The following DIAPH3 variants were observed in gnomAD, a reference collection of about 807,000 sequenced individuals.
The protein encoded by DIAPH3 is diaphanous related formin 3.
Under a neutral mutation model 144.3 loss-of-function variants are expected in DIAPH3, and 117 were observed. The observed-to-expected ratio is 0.81, with a 90% CI of 0.70 to 0.95. The LOEUF (loss-of-function observed/expected upper bound fraction) is 0.95. Among genes scored for constraint, DIAPH3 ranks in the 40% least tolerant of loss-of-function variants. DIAPH3 has a pLI of 0.00. For synonymous variants in DIAPH3, 519 were observed against 488.9 expected (o/e 1.06, Z -0.81); for missense variants, 1,421 against 1,412.7 (o/e 1.01, Z -0.09).
chr13:59,952,093 T>C (rs867081685), intron 17 of DIAPH3, among the ~76,000 whole-genome samples: 3 of 152,130 alleles, frequency 2.0e-5, no homozygotes, highest in African/African-American at 4.8e-5. Flanking sequence ...AACATAGCAC[T>C]GACACATGCT....
chr13:59,896,214 A>T (rs1204210131), intron 20 of DIAPH3, among the ~76,000 whole-genome samples: 1 of 152,218 alleles, frequency 6.6e-6, no homozygotes, highest in East Asian at 1.9e-4. Context: ...CTGAGGAGCT[A>T]TTATAAACAA....
At chr13:60,158,932 A>AAAAAC (rs1952159276) in intron 1 of DIAPH3, among the ~76,000 whole-genome samples, 3 of 147,880 alleles carry the variant, frequency 2.0e-5, no homozygotes, top group African/African-American at 7.5e-5. Context: ...AAAAAAAAAA[A>AAAAAC]CCAAATAACC....
intron 5 of DIAPH3, among the ~76,000 whole-genome samples, chr13:60,024,382 A>T (rs1207054579): frequency 1.3e-5 from 2 of 152,200 alleles, no homozygotes; most frequent in Middle Eastern, 3.4e-3. Flanking sequence ...TTCGCTTTTG[A>T]GGCCCTCCAG....
intron 27 of DIAPH3, among the ~76,000 whole-genome samples, chr13:59,714,131 C>A (rs934396889): frequency 1.3e-5 from 2 of 151,924 alleles, no homozygotes; most frequent in Non-Finnish European, 2.9e-5. Flanking sequence ...GAGGCCGAGG[C>A]GGGCGGATCA....
At chr13:59,946,884 G>A (rs2048828089) in intron 17 of DIAPH3, among the ~76,000 whole-genome samples, 1 of 152,256 alleles carries the variant, frequency 6.6e-6, no homozygotes, top group East Asian at 1.9e-4. Context: ...TAAAATGGAT[G>A]CTGAAGTGTT....
At chr13:60,031,970 T>G (rs1330858541) in intron 5 of DIAPH3, among the ~76,000 whole-genome samples, 1 of 152,048 alleles carries the variant, frequency 6.6e-6, no homozygotes, top group East Asian at 1.9e-4. Flanking sequence ...TCTCAATCTC[T>G]TGACCTCATG....
intron 24 of DIAPH3, among the ~76,000 whole-genome samples, chr13:59,831,390 C>G (rs1395135283): frequency 6.6e-6 from 1 of 151,772 alleles, no homozygotes; most frequent in Non-Finnish European, 1.5e-5. Context: ...CAGGAGAAAC[C>G]AGATCCAAGT....
intron 24 of DIAPH3, among the ~76,000 whole-genome samples, chr13:59,826,409 C>G (rs1369224831): frequency 6.7e-6 from 1 of 149,460 alleles, no homozygotes; most frequent in Non-Finnish European, 1.5e-5. Context: ...AGAGCCAAAT[C>G]ATGAGTGAAC....
chr13:59,683,178 T>C (rs1452744854), intron 27 of DIAPH3, among the ~76,000 whole-genome samples: 1 of 152,162 alleles, frequency 6.6e-6, no homozygotes, highest in Non-Finnish European at 1.5e-5. Flanking sequence ...TTCATATATC[T>C]ATATCGACAG....
intron 8 of DIAPH3, 103 bp downstream of exon 8, chr13:60,010,430 T>G: frequency 8.2e-7 from 1 of 1,219,988 alleles, no homozygotes; most frequent in South Asian, 1.5e-5. Flanking sequence ...AACATTTATT[T>G]AAATTCTAGT....
At chr13:59,937,666 A>G (rs992395766) in intron 17 of DIAPH3, among the ~76,000 whole-genome samples, 1 of 152,178 alleles carries the variant, frequency 6.6e-6, no homozygotes, top group Non-Finnish European at 1.5e-5. Context: ...CACAAAAATG[A>G]CCATTATTCC....
chr13:59,917,415 T>C (rs1484246603), intron 18 of DIAPH3, among the ~76,000 whole-genome samples: 1 of 152,174 alleles, frequency 6.6e-6, no homozygotes, highest in East Asian at 1.9e-4. Flanking sequence ...GTATTCCTGA[T>C]TTGTGAGAAT....
In DIAPH3 at chr13:59,794,389, T is replaced by C. The variant is rs78599961; in HGVS notation, c.3163+16399A>G. On this transcript the variant is annotated intron_variant, in intron 25 of 27. Transcript: ENST00000400324. ...ACTATGAGTCCTTTTTAACAACTGTTGAAGGTAAATATAATAGAAGGATTT... is the reference window on the plus strand; with the variant it reads ...ACTATGAGTCCTTTTTAACAACTGTCGAAGGTAAATATAATAGAAGGATTT... Among the ~76,000 whole-genome samples, 170 of 152,276 alleles carry C rather than the reference T, an allele frequency of 1.1e-3. 4 individuals are homozygous for C. The East Asian group carries it at 0.016, about 15-fold the overall frequency.
chr13:60,112,049 C>A lies in DIAPH3; in HGVS notation c.351G>T (p.Leu117=), dbSNP rs760155638. 9 of 1,614,142 alleles carry A rather than the reference C, an allele frequency of 5.6e-6. No individual in the cohort carries two copies. The East Asian group carries it at 2.0e-4, about 36-fold the overall frequency. ...AAAGTTCTAAGAGTTCATTCTCTGACAGTGGCTTTGGAAAGTTCTCCATCA... is the reference window on the plus strand; with the variant it reads ...AAAGTTCTAAGAGTTCATTCTCTGAAAGTGGCTTTGGAAAGTTCTCCATCA... ...LEMMENFPKP[L]SENELLELFE... Residue 117 remains leucine (L), a synonymous_variant, in exon 3 of 28, where the codon CTG becomes CTT. Coordinates refer to ENST00000400324, the MANE Select transcript of DIAPH3 (RefSeq NM_001042517.2).
At chr13:59,798,601 G>C (rs1168188586) in intron 25 of DIAPH3, among the ~76,000 whole-genome samples, 1 of 152,192 alleles carries the variant, frequency 6.6e-6, no homozygotes, top group Non-Finnish European at 1.5e-5. Flanking sequence ...AACAAAGGTA[G>C]TCTTTTCCAC....
chr13:59,710,289 AAAAG>A lies in DIAPH3; in HGVS notation c.3320-43447_3320-43444del, dbSNP rs1305055734. On this transcript the variant is annotated intron_variant, in intron 27 of 27. Transcript: ENST00000400324. ...ATAAAAATTTATTTTGGAAAAAAAA[AAAAG>A]AAAAGTGCTAAAAAGTAATACCATG... 2.6e-5 allele frequency among the ~76,000 whole-genome samples: 4 copies of A among 151,752 alleles called. No individual in the cohort carries two copies. In the South Asian group the frequency reaches 6.2e-4, roughly 24 times the overall value.
intron 13 of DIAPH3, among the ~76,000 whole-genome samples, chr13:59,983,084 G>A (rs1373361497): frequency 8.7e-6 from 1 of 114,426 alleles, no homozygotes; most frequent in Non-Finnish European, 1.8e-5. Flanking sequence ...AGTGCCTGAC[G>A]AAAACTTTAA....
chr13:59,780,189 T>G (rs1334920725), intron 25 of DIAPH3, among the ~76,000 whole-genome samples: 3 of 152,080 alleles, frequency 2.0e-5, no homozygotes, highest in Admixed American at 6.6e-5. Flanking sequence ...CACAAAAGCA[T>G]TTCTGCTCTC....
intron 27 of DIAPH3, among the ~76,000 whole-genome samples, chr13:59,769,075 C>G (rs1036025830): frequency 1.3e-5 from 2 of 152,042 alleles, no homozygotes; most frequent in African/African-American, 4.8e-5. Flanking sequence ...AGAGAACCAC[C>G]TAATAAGGAT....
Sources: gnomAD v4.1 joint callset for allele counts (sites outside exome capture counted in the v4.1 genomes callset) on GRCh38, gnomAD v4.1.1 for gene constraint, MANE v1.5 for transcripts, NCBI Gene and HGNC (gene_info 2026-07-23, HGNC 2026-07-21) for gene names.